The following STARD9 variants were observed in gnomAD, a reference collection of about 807,000 sequenced individuals.
The protein encoded by STARD9 is stAR-related lipid transfer protein 9.
Under a neutral mutation model 399.8 loss-of-function variants are expected in STARD9, and 346 were observed. The ratio of observed to expected loss-of-function variants is 0.87; its 90% CI spans 0.79 to 0.95. The LOEUF (loss-of-function observed/expected upper bound fraction) is 0.95, where lower values mean the gene tolerates loss of function less well. STARD9 is among the 40% of genes least tolerant of loss of function. The probability of loss-of-function intolerance (pLI) is 0.00; values close to 1 mark genes in which losing one functional copy is unlikely to be tolerated. For synonymous variants in STARD9, 2,203 were observed against 2,143.5 expected, an observed-to-expected ratio of 1.03 and a Z score of -0.77; for missense variants, 5,832 against 5,667.5, an observed-to-expected ratio of 1.03 and a Z score of -0.93.
chr15:42,597,568 GCTCTGTTGC>G (rs2058532004), intron 3 of STARD9, among the ~76,000 whole-genome samples: 1 of 151,550 alleles, frequency 6.6e-6, no homozygotes, highest in Admixed American at 6.6e-5. Flanking sequence ...ATAGAGTCTC[GCTCTGTTGC>G]CCAGACTGGA....
chr15:42,698,140 C>T (rs1013309095), intron 26 of STARD9, among the ~76,000 whole-genome samples: 6 of 152,188 alleles, frequency 3.9e-5, no homozygotes, highest in Admixed American at 2.6e-4. Flanking sequence ...CCGTCATTTA[C>T]CCAGTATTCT....
At position 42,675,678 on chromosome 15, in the gene STARD9, C is replaced by G; in HGVS notation, c.1702C>G (p.Leu568Val). The stretch of plus-strand genomic sequence containing the variant: ...CTGTGCTGCAGGAGCTGTCATAACC[C>G]TGGGGAAGGCACAGAAGTTCCGATT... ...CRLTQGAVIT[L>V]GKAQKFRFNH... The change falls in exon 19 of 33, where the codon CTG becomes GTG. Residue 568 changes from leucine (L) to valine (V), a missense_variant. Coordinates refer to ENST00000290607, the MANE Select transcript of STARD9 (RefSeq NM_020759.3). The G allele has an allele frequency of 6.5e-7, 1 of 1,537,062 alleles. No homozygotes were observed. Among genetic ancestry groups the G allele is most frequent in the South Asian group, 1.2e-5 (1 of 84,050 alleles).
At chr15:42,683,104 A>G (rs1367467220) in intron 22 of STARD9, among the ~76,000 whole-genome samples, 1 of 152,212 alleles carries the variant, frequency 6.6e-6, no homozygotes, top group African/African-American at 2.4e-5. Flanking sequence ...CCATCAAGGC[A>G]GGGCTGTATT....
chr15:42,717,840 C>A, intron 29 of STARD9, 45 bp downstream of exon 29: 2 of 1,523,552 alleles, frequency 1.3e-6, no homozygotes, highest in South Asian at 1.2e-5. Flanking sequence ...TCTTGGTAAG[C>A]TTGTCACCCT....
intron 7 of STARD9, among the ~76,000 whole-genome samples, chr15:42,647,219 T>C (rs2059663637): frequency 6.6e-6 from 1 of 152,190 alleles, no homozygotes; most frequent in African/African-American, 2.4e-5. Context: ...TATTATACAA[T>C]TGTTGGGCAT....
chr15:42,694,862 A>C, intron 24 of STARD9, 137 bp downstream of exon 24: 3 of 369,304 alleles, frequency 8.1e-6, no homozygotes, highest in Non-Finnish European at 1.6e-5. Context: ...ATAGAAGGGA[A>C]TGGAATGAGG....
rs531918309 is a variant in STARD9 at position 42,634,597 on chromosome 15, C to G, written c.235-259C>G. 5.3e-5 allele frequency among the ~76,000 whole-genome samples: 8 copies of G among 152,190 alleles called. No homozygotes were observed. In the South Asian group the frequency reaches 1.2e-3, roughly 24 times the overall value. ...CTCTCTTTGCCTTAAGTTTAGAGACCATATTACTTTTGTATCTTATCTTCA... is the reference window on the plus strand; with the variant it reads ...CTCTCTTTGCCTTAAGTTTAGAGACGATATTACTTTTGTATCTTATCTTCA... On this transcript the variant is annotated intron_variant, in intron 3 of 32. Coordinates refer to ENST00000290607, the MANE Select transcript of STARD9 (RefSeq NM_020759.3).
At position 42,674,863 on chromosome 15, in the gene STARD9, C is replaced by T. The variant is rs1183213149; in HGVS notation, c.1586C>T (p.Thr529Ile). 31 of 1,536,786 alleles carry T rather than the reference C, an allele frequency of 2.0e-5. No individual in the cohort carries two copies. The Admixed American group carries it at 5.9e-4, about 29-fold the overall frequency. Residue 529 changes from threonine to isoleucine, a missense_variant, in exon 18 of 33, where the codon ACT (threonine) becomes ATT (isoleucine). Around this residue, in one of 2 missense-constraint regions of STARD9, gnomAD observed 5,828 missense variants for 5,651.1 expected, o/e 1.03. Coordinates refer to ENST00000290607, the MANE Select transcript of STARD9 (RefSeq NM_020759.3). The stretch of plus-strand genomic sequence containing the variant: ...CAGTGGATTGAGAGAGACCACTGCA[C>T]TATCACCAGTGCCTGTGGTGTAGTT... ...QGQWIERDHC[T>I]ITSACGVVVL...
intron 3 of STARD9, among the ~76,000 whole-genome samples, chr15:42,596,565 TA>T (rs2058510064): frequency 6.6e-6 from 1 of 152,206 alleles, no homozygotes; most frequent in South Asian, 2.1e-4. Flanking sequence ...TAACAGGTGC[TA>T]AATTTTCTTC....
rs1345657955 is a variant in STARD9 at position 42,634,873 on chromosome 15, G to A, written c.252G>A (p.Gly84=). Residue 84 remains glycine (G), a synonymous_variant, in exon 4 of 33, where the codon GGG becomes GGA. Transcript: ENST00000290607. Reference sequence around the variant, plus strand: ...TGTTACAGGTTTTCCAGGATTTAGGGATGGAAGTACTGTCTGGAGTTGCCA... The same window carrying A: ...TGTTACAGGTTTTCCAGGATTTAGGAATGGAAGTACTGTCTGGAGTTGCCA... ...ASQDVVFQDL[G]MEVLSGVAKG... 3.3e-6 allele frequency: 5 copies of A among 1,532,906 alleles called. No homozygotes were observed. The highest frequency in any genetic ancestry group is 1.4e-5 in the African/African-American group (1 of 73,032). 95.0% of individuals were successfully genotyped at this position (1,532,906 alleles called of 1,614,324 possible). A position where few individuals can be genotyped will look rare whatever the true frequency, so the allele number is the denominator to read the frequency against.
chr15:42,717,774 G>T lies in STARD9; in HGVS notation c.13538G>T (p.Cys4513Phe), dbSNP rs889786118. The T allele has an allele frequency of 1.1e-5, 17 of 1,537,244 alleles. No homozygotes were observed. Among genetic ancestry groups the T allele is most frequent in the Non-Finnish European group, 1.5e-5 (17 of 1,146,904 alleles). ...GATAATTTGCACAACCTCTTCAGCT[G>T]CCAGGCAACTGCTGGCTGGAAGTAA... Reference protein sequence around the residue: ...CSDNLHNLFSCQATAGWNYQG... With the variant: ...CSDNLHNLFSFQATAGWNYQG... The change falls in exon 29 of 33, where the codon TGC becomes TTC. Residue 4513 changes from cysteine to phenylalanine, a missense_variant. This residue lies in a region of STARD9 where 5,828 missense variants were observed against 5,651.1 expected (regional missense o/e 1.03). Transcript: ENST00000290607.
Position 42,687,673 on chromosome 15 carries a change from C to G in STARD9, c.6095C>G (p.Pro2032Arg). 1.3e-6 allele frequency: 2 copies of G among 1,537,050 alleles called. No individual in the cohort carries two copies. The highest frequency in any genetic ancestry group is 1.7e-6 in the Non-Finnish European group (2 of 1,146,834). Residue 2032 changes from proline to arginine, a missense_variant, in exon 23 of 33, where the codon CCT (proline) becomes CGT (arginine). Physicochemically the swap from Pro to Arg is moderately radical, Grantham distance 103. Transcript: ENST00000290607. ...GAAATGTTAAATCCCAACAGAGAAC[C>G]TTCTGGAAAGAAACAGAATAAAAGA... ...SQEMLNPNRE[P>R]SGKKQNKRVN...
chr15:42,710,378 A>G (rs2061188384), intron 26 of STARD9, among the ~76,000 whole-genome samples: 2 of 151,948 alleles, frequency 1.3e-5, no homozygotes, highest in Admixed American at 1.3e-4. Context: ...CACTTCTTTA[A>G]TTGATTTTTT....
At position 42,665,472 on chromosome 15, in the gene STARD9, C is replaced by T. The variant is rs1014593995; in HGVS notation, c.1254+142C>T. The stretch of plus-strand genomic sequence containing the variant: ...GGCAGAGACAGGAGCAAAGACAAAA[C>T]AGAGATTTCTCTGATTTCTCAGTGT... On this transcript the variant is annotated intron_variant, in intron 14 of 32. Transcript: ENST00000290607. 15 of 710,872 alleles carry T rather than the reference C, an allele frequency of 2.1e-5. No individual in the cohort carries two copies. The African/African-American group carries it at 2.3e-4, about 11-fold the overall frequency. The allele number at this position is 710,872 out of a possible 1,614,324, so 44.0% of individuals were successfully genotyped here. A position where few individuals can be genotyped will look rare whatever the true frequency, so the allele number is the denominator to read the frequency against.
intron 26 of STARD9, among the ~76,000 whole-genome samples, chr15:42,701,992 C>CAAAAAAAA (rs57444195): frequency 2.2e-5 from 1 of 45,000 alleles, no homozygotes; most frequent in Non-Finnish European, 5.1e-5. Flanking sequence ...GACTCTGACT[C>CAAAAAAAA]AAAAAAAAAA....
At chr15:42,609,919 C>T (rs2141804046) in intron 3 of STARD9, among the ~76,000 whole-genome samples, 1 of 151,878 alleles carries the variant, frequency 6.6e-6, no homozygotes, top group South Asian at 2.1e-4. Flanking sequence ...ATGGCAAAAC[C>T]CTATCTCTAC....
intron 10 of STARD9, among the ~76,000 whole-genome samples, chr15:42,662,582 G>A (rs1402035799): frequency 6.6e-6 from 1 of 152,132 alleles, no homozygotes; most frequent in Non-Finnish European, 1.5e-5. Flanking sequence ...GAAACATAAT[G>A]AGTTATTTGA....
In STARD9 at chr15:42,695,141, A is replaced by G; in HGVS notation, c.12964A>G (p.Ser4322Gly). The G allele has an allele frequency of 2.0e-6, 3 of 1,526,090 alleles. No homozygotes were observed. The highest frequency in any genetic ancestry group is 2.6e-6 in the Non-Finnish European group (3 of 1,139,066). The allele number at this position is 1,526,090 out of a possible 1,614,324, so 94.5% of individuals were successfully genotyped here. The change falls in exon 25 of 33, where the codon AGC (serine) becomes GGC (glycine). Residue 4322 changes from serine (S) to glycine (G), a missense_variant and splice_region_variant. By Grantham distance (56) the Ser-to-Gly change is moderately conservative. Around this residue, in one of 2 missense-constraint regions of STARD9, gnomAD observed 5,828 missense variants for 5,651.1 expected, o/e 1.03. Transcript: ENST00000290607. ...TTTCCACCCCGTGATCTTCCTCAGG[A>G]GCCCAGAGTCAGTGTCAAGGTCAGC... ...LRKDVVETTR[S>G]PESVSRSAHT...
At chr15:42,681,392 C>T (rs2060424199) in intron 20 of STARD9, 30 bp from the exon 21 acceptor site, 4 of 1,525,320 alleles carry the variant, frequency 2.6e-6, no homozygotes, top group East Asian at 4.9e-5. Flanking sequence ...TGCATTTCCC[C>T]TTGGGTAACC....
Sources: gnomAD v4.1 joint callset for allele counts (sites outside exome capture counted in the v4.1 genomes callset) on GRCh38, gnomAD v4.1.1 for gene constraint, gnomAD v4.1.1 regional missense constraint, MANE v1.5 for transcripts, NCBI Gene and HGNC (gene_info 2026-07-23, HGNC 2026-07-21) for gene names.